SLC9D1: variants seen among roughly 807,000 people sequenced by gnomAD.
The protein encoded by SLC9D1 is putative LAG1-interacting protein.
the SLC9D1 span, among the ~76,000 whole-genome samples, chr13:113,508,926 G>A: frequency 3.9e-5 from 6 of 152,054 alleles, no homozygotes; most frequent in East Asian, 1.9e-4. Context: ...GGCTTGGTGG[G>A]TGGGTCCCCC....
chr13:113,531,993 G>A, the SLC9D1 span, among the ~76,000 whole-genome samples: 21 of 152,204 alleles, frequency 1.4e-4, no homozygotes, highest in African/African-American at 3.9e-4. Context: ...TGCACTGGGC[G>A]TGTGGCCTGG....
At chr13:113,503,368 T>C in the SLC9D1 span, 1 of 619,814 alleles carries the variant, frequency 1.6e-6, no homozygotes, top group Non-Finnish European at 2.9e-6. Flanking sequence ...TGTGTGTGTG[T>C]GTGTGTGTGT....
At chr13:113,508,468 G>A in the SLC9D1 span, among the ~76,000 whole-genome samples, 6 of 152,206 alleles carry the variant, frequency 3.9e-5, no homozygotes, top group Non-Finnish European at 5.9e-5. Context: ...TGTGAGACGC[G>A]CTCTGTGATA....
At chr13:113,495,219 C>A in the SLC9D1 span, among the ~76,000 whole-genome samples, 28,113 of 152,046 alleles carry the variant, frequency 0.18, 3,412 homozygotes, top group African/African-American at 0.35. Context: ...GGTAGAGATA[C>A]GAGGCTGCGT....
the SLC9D1 span, among the ~76,000 whole-genome samples, chr13:113,494,966 G>A: frequency 6.6e-6 from 1 of 152,028 alleles, no homozygotes; most frequent in African/African-American, 2.4e-5. Context: ...TCCCTGCAAC[G>A]TCCGCCTCCC....
At chr13:113,524,903 C>T in the SLC9D1 span, among the ~76,000 whole-genome samples, 39 of 147,024 alleles carry the variant, frequency 2.7e-4, no homozygotes, top group African/African-American at 1.0e-3. Flanking sequence ...TATGTTGCAA[C>T]TTAAGTCTGC....
chr13:113,550,057 T>C, the SLC9D1 span: 1 of 190,450 alleles, frequency 5.3e-6, no homozygotes, highest in African/African-American at 2.4e-5. Flanking sequence ...CAAATACGGA[T>C]GTCTATTTGC....
At chr13:113,498,345 GAAACAGAAT>G in the SLC9D1 span, 8 of 1,535,524 alleles carry the variant, frequency 5.2e-6, no homozygotes, top group Non-Finnish European at 6.9e-6. Flanking sequence ...TGAATAGGAA[GAAACAGAAT>G]ATATGGAACT....
chr13:113,495,972 A>C, the SLC9D1 span: 1 of 1,613,720 alleles, frequency 6.2e-7, no homozygotes, highest in Non-Finnish European at 8.5e-7. Flanking sequence ...TGTCGTGAAC[A>C]TGAAGGAGAG....
At chr13:113,499,645 A>G in the SLC9D1 span, among the ~76,000 whole-genome samples, 1 of 152,232 alleles carries the variant, frequency 6.6e-6, no homozygotes, top group Admixed American at 6.5e-5. Flanking sequence ...AGATTAGAAA[A>G]GAAAGCAGAG....
the SLC9D1 span, chr13:113,505,689 T>A: frequency 6.6e-6 from 1 of 152,224 alleles, no homozygotes; most frequent in Non-Finnish European, 1.5e-5. Flanking sequence ...TTTTCCAAAT[T>A]TTCTATAATA....
At chr13:113,502,465 G>A in the SLC9D1 span, among the ~76,000 whole-genome samples, 2 of 152,014 alleles carry the variant, frequency 1.3e-5, no homozygotes, top group East Asian at 1.9e-4. Flanking sequence ...CGCCCGCCTC[G>A]GCCTCCAAAA....
At chr13:113,512,629 G>A in the SLC9D1 span, among the ~76,000 whole-genome samples, 1 of 150,048 alleles carries the variant, frequency 6.7e-6, no homozygotes, top group Non-Finnish European at 1.5e-5. Context: ...ATATAGATTT[G>A]GAGCCCCAGG....
the SLC9D1 span, among the ~76,000 whole-genome samples, chr13:113,543,045 GA>G: frequency 1.4e-5 from 1 of 71,282 alleles, no homozygotes; most frequent in East Asian, 3.5e-4. Context: ...CCGTGTGTGT[GA>G]CCCCCACCTC....
At chr13:113,501,693 A>G in the SLC9D1 span, 1 of 1,416,850 alleles carries the variant, frequency 7.1e-7, no homozygotes, top group Non-Finnish European at 9.8e-7. Flanking sequence ...TCAGCCAGCC[A>G]GCCCCCTTCT....
chr13:113,510,178 G>A, the SLC9D1 span: 4 of 1,458,584 alleles, frequency 2.7e-6, no homozygotes, highest in South Asian at 3.6e-5. Context: ...TGAAGTCTGT[G>A]TGGTGTGGTC....
At chr13:113,544,142 C>T in the SLC9D1 span, among the ~76,000 whole-genome samples, 1 of 152,238 alleles carries the variant, frequency 6.6e-6, no homozygotes, top group Non-Finnish European at 1.5e-5. Flanking sequence ...GGTGCAGCCG[C>T]AGAGACTCCT....
the SLC9D1 span, chr13:113,495,766 G>A: frequency 8.1e-6 from 13 of 1,613,952 alleles, no homozygotes; most frequent in African/African-American, 2.7e-5. Context: ...GGGCTTCTCC[G>A]CCAGAAGAAT....
chr13:113,498,215 G>C, the SLC9D1 span: 1 of 689,156 alleles, frequency 1.5e-6, no homozygotes, highest in African/African-American at 1.9e-5. Context: ...GACTTCCCTA[G>C]CTGACCAGAA....
Sources: allele counts gnomAD v4.1 joint callset (sites outside exome capture counted in the v4.1 genomes callset), GRCh38; gene constraint gnomAD v4.1.1; transcripts MANE v1.5; gene names NCBI Gene and HGNC (gene_info 2026-07-23, HGNC 2026-07-21).